CTNNA3: variants seen among roughly 807,000 people sequenced by gnomAD.
CTNNA3 encodes catenin alpha 3.
A neutral mutation model predicts 95.7 loss-of-function variants in CTNNA3; 76 were observed. That is an observed-to-expected ratio of 0.79 (90% CI 0.66 to 0.96). The LOEUF (loss-of-function observed/expected upper bound fraction) is 0.96, where lower values mean the gene tolerates loss of function less well. CTNNA3 is among the 40% of genes least tolerant of loss of function. The pLI is 0.00. For missense variants in CTNNA3, 1,191 were observed against 1,089.8 expected (o/e 1.09, Z -1.31); for synonymous variants, 431 against 374.4 (o/e 1.15, Z -1.74).
chr10:66,853,099 T>A (rs1216441434), intron 7 of CTNNA3, among the ~76,000 whole-genome samples: 1 of 152,144 alleles, frequency 6.6e-6, no homozygotes, highest in Non-Finnish European at 1.5e-5. Flanking sequence ...TGAATAAAAC[T>A]TAAAAATATA....
At chr10:66,783,741 G>A (rs967816223) in intron 7 of CTNNA3, among the ~76,000 whole-genome samples, 20 of 151,978 alleles carry the variant, frequency 1.3e-4, no homozygotes, top group African/African-American at 4.6e-4. Context: ...TTATTTTCCC[G>A]CTTTTAAATA....
At chr10:66,928,261 A>C (rs139383106) in intron 7 of CTNNA3, 13 of 1,614,056 alleles carry the variant, frequency 8.1e-6, no homozygotes, top group Non-Finnish European at 1.1e-5. Context: ...CCCTGCGAGC[A>C]TGAAGCAGCT....
chr10:66,594,147 G>A (rs769822876), intron 10 of CTNNA3, among the ~76,000 whole-genome samples: 11 of 151,932 alleles, frequency 7.2e-5, no homozygotes, highest in Non-Finnish European at 1.3e-4. Context: ...TCAGTAAATG[G>A]CAACACTATC....
intron 13 of CTNNA3, among the ~76,000 whole-genome samples, chr10:66,113,910 A>T (rs1434998051): frequency 6.6e-6 from 1 of 152,022 alleles, no homozygotes; most frequent in Non-Finnish European, 1.5e-5. Flanking sequence ...TGGCAATACC[A>T]TTACTCTTCT....
At chr10:66,053,950 G>C (rs1336371968) in intron 15 of CTNNA3, among the ~76,000 whole-genome samples, 2 of 151,784 alleles carry the variant, frequency 1.3e-5, no homozygotes, top group Non-Finnish European at 2.9e-5. Context: ...TGTTATCGTT[G>C]TTGCCACCTA....
intron 3 of CTNNA3, among the ~76,000 whole-genome samples, chr10:67,563,447 A>C (rs1295313120): frequency 6.6e-6 from 1 of 152,228 alleles, no homozygotes; most frequent in East Asian, 1.9e-4. Flanking sequence ...ATATGTAGAA[A>C]GCTAAAACTG....
At chr10:65,994,937 T>C (rs1165651911) in intron 15 of CTNNA3, among the ~76,000 whole-genome samples, 1 of 152,146 alleles carries the variant, frequency 6.6e-6, no homozygotes, top group African/African-American at 2.4e-5. Context: ...ATAAAATCTG[T>C]TGTTGAAGCT....
At chr10:66,592,052 T>C (rs1259839886) in intron 10 of CTNNA3, among the ~76,000 whole-genome samples, 2 of 151,658 alleles carry the variant, frequency 1.3e-5, no homozygotes, top group Non-Finnish European at 2.9e-5. Context: ...TTATAGTTAT[T>C]GCTGTTAAAT....
chr10:66,525,719 TACATTC>T (rs1405285356), intron 10 of CTNNA3, among the ~76,000 whole-genome samples: 3 of 152,160 alleles, frequency 2.0e-5, no homozygotes, highest in African/African-American at 7.2e-5. Context: ...TGGCATTAAG[TACATTC>T]ACATAGCTGT....
At chr10:67,622,471 T>A (rs754356355) in intron 2 of CTNNA3, among the ~76,000 whole-genome samples, 1 of 152,098 alleles carries the variant, frequency 6.6e-6, no homozygotes, top group Non-Finnish European at 1.5e-5. Context: ...AACATTAAAG[T>A]GAAGAAAATC....
intron 11 of CTNNA3, among the ~76,000 whole-genome samples, chr10:66,497,277 A>G (rs770575481): frequency 2.4e-4 from 37 of 152,030 alleles, no homozygotes; most frequent in Non-Finnish European, 3.8e-4. Context: ...GATAAAAGTT[A>G]TAGTGCACAG....
At chr10:66,962,172 C>G (rs1849146151) in intron 7 of CTNNA3, among the ~76,000 whole-genome samples, 1 of 151,800 alleles carries the variant, frequency 6.6e-6, no homozygotes, top group African/African-American at 2.4e-5. Context: ...CTAGTGACAT[C>G]CCCCATTTCC....
At chr10:67,195,481 T>C (rs1377574473) in intron 6 of CTNNA3, among the ~76,000 whole-genome samples, 2 of 134,362 alleles carry the variant, frequency 1.5e-5, no homozygotes, top group Non-Finnish European at 3.1e-5. Context: ...TTACTTAATG[T>C]AGCTTTATAA....
chr10:66,498,293 T>C (rs933918481), intron 11 of CTNNA3, among the ~76,000 whole-genome samples: 5 of 152,120 alleles, frequency 3.3e-5, no homozygotes, highest in African/African-American at 1.2e-4. Context: ...ATAATAAATA[T>C]ATACTTCCTT....
intron 7 of CTNNA3, among the ~76,000 whole-genome samples, chr10:66,991,612 C>T (rs1452914865): frequency 1.3e-5 from 2 of 152,074 alleles, no homozygotes; most frequent in Non-Finnish European, 2.9e-5. Context: ...AGTGCAATGG[C>T]GTGATCTTGG....
intron 1 of CTNNA3, among the ~76,000 whole-genome samples, chr10:67,676,951 C>T (rs1840546836): frequency 6.6e-6 from 1 of 152,146 alleles, no homozygotes; most frequent in Non-Finnish European, 1.5e-5. Flanking sequence ...TGTTCTTTCT[C>T]ACTAGCAAAT....
At chr10:66,015,997 CACAA>C (rs1290693966) in intron 15 of CTNNA3, among the ~76,000 whole-genome samples, 1 of 152,012 alleles carries the variant, frequency 6.6e-6, no homozygotes, top group Admixed American at 6.6e-5. Flanking sequence ...GAATTTAATG[CACAA>C]ACAATGATTT....
At chr10:67,586,482 G>A (rs902612118) in intron 3 of CTNNA3, among the ~76,000 whole-genome samples, 118 of 152,052 alleles carry the variant, frequency 7.8e-4, no homozygotes, top group African/African-American at 2.1e-3. Context: ...TTATGAATAC[G>A]GGTGCTCCAG....
intron 12 of CTNNA3, among the ~76,000 whole-genome samples, chr10:66,302,786 T>C (rs1317096423): frequency 6.6e-6 from 1 of 152,070 alleles, no homozygotes; most frequent in Non-Finnish European, 1.5e-5. Flanking sequence ...CTAAGCCAAA[T>C]ATCTCTCATG....
Sources: gnomAD v4.1 joint callset for allele counts (sites outside exome capture counted in the v4.1 genomes callset) on GRCh38, gnomAD v4.1.1 for gene constraint, MANE v1.5 for transcripts, NCBI Gene and HGNC (gene_info 2026-07-23, HGNC 2026-07-21) for gene names.